The following WIPF2 variants were observed in gnomAD, a reference collection of about 807,000 sequenced individuals.
WIPF2 encodes WAS/WASL interacting protein family member 2, also known as WAS/WASL-interacting protein family member 2.
In WIPF2, 23 loss-of-function variants were observed where a neutral mutation model predicts 38.8. The observed-to-expected ratio is 0.59, with a 90% confidence interval of 0.43 to 0.84. The LOEUF (loss-of-function observed/expected upper bound fraction) is 0.84, where lower values mean the gene tolerates loss of function less well. WIPF2 is among the 40% of genes least tolerant of loss of function. The pLI is 0.00. For synonymous variants in WIPF2, 210 were observed against 223.2 expected (o/e 0.94, Z 0.53); for missense variants, 574 against 580.5 (o/e 0.99, Z 0.11).
At chr17:40,264,406 T>C in intron 4 of WIPF2, 84 bp from the exon 5 acceptor site, 2 of 1,106,344 alleles carry the variant, frequency 1.8e-6, no homozygotes, top group South Asian at 1.3e-5. Flanking sequence ...GCCATGCAGG[T>C]TGCACTAAGG....
chr17:40,226,318 C>T (rs545268557), intron 1 of WIPF2, among the ~76,000 whole-genome samples: 1 of 151,794 alleles, frequency 6.6e-6, no homozygotes, highest in South Asian at 2.1e-4. Flanking sequence ...ATTATCCTGC[C>T]TCAGCCTCCC....
intron 1 of WIPF2, among the ~76,000 whole-genome samples, chr17:40,246,826 T>C (rs1263021144): frequency 6.6e-6 from 1 of 151,932 alleles, no homozygotes; most frequent in Non-Finnish European, 1.5e-5. Context: ...AAGAACTCAT[T>C]TGTTGGCCGG....
chr17:40,257,486 C>T (rs1354951092), intron 2 of WIPF2, among the ~76,000 whole-genome samples: 1 of 151,928 alleles, frequency 6.6e-6, no homozygotes, highest in African/African-American at 2.4e-5. Context: ...TTTAGCCATA[C>T]CTAGATTGTG....
In WIPF2 at chr17:40,278,510, T is replaced by C; in HGVS notation, c.*285T>C. On this transcript the variant is annotated 3_prime_UTR_variant, in exon 8 of 8. Coordinates refer to ENST00000323571, the MANE Select transcript of WIPF2 (RefSeq NM_133264.5). Reference sequence around the variant, plus strand: ...GGAACAAGTTTCCGTGTCTTCTGCCTTCCTCTTGGGGAAAGGTGCCTTGTT... The same window carrying C: ...GGAACAAGTTTCCGTGTCTTCTGCCCTCCTCTTGGGGAAAGGTGCCTTGTT... 2.2e-6 allele frequency: 1 copy of C among 444,972 alleles called. No homozygotes were observed. The allele number at this position is 444,972 out of a possible 1,614,324, so 27.6% of individuals were successfully genotyped here.
chr17:40,228,506 T>C (rs2145283282), intron 1 of WIPF2, among the ~76,000 whole-genome samples: 1 of 152,338 alleles, frequency 6.6e-6, no homozygotes, highest in South Asian at 2.1e-4. Context: ...CTAGAATTGC[T>C]GAAGCTGATT....
chr17:40,247,488 G>A (rs944546572), intron 1 of WIPF2, among the ~76,000 whole-genome samples: 3 of 150,760 alleles, frequency 2.0e-5, no homozygotes, highest in Non-Finnish European at 4.4e-5. Flanking sequence ...CAAAGTGCTG[G>A]GATTACGGGC....
intron 6 of WIPF2, among the ~76,000 whole-genome samples, chr17:40,276,542 A>T (rs2145416977): frequency 6.6e-6 from 1 of 151,336 alleles, no homozygotes; most frequent in East Asian, 1.9e-4. Context: ...AAAAAAAAAA[A>T]AGAATTATAT....
rs2032551860 is a variant in WIPF2, at chr17:40,281,843, C to T, written c.*3618C>T. Reference sequence around the variant, plus strand: ...GGGGGTGGAGTGTGGGCATCTGAGGCCCTATGATGGCACTACATTGAGCTG... The same window carrying T: ...GGGGGTGGAGTGTGGGCATCTGAGGTCCTATGATGGCACTACATTGAGCTG... On this transcript the variant is annotated 3_prime_UTR_variant, in exon 8 of 8. Coordinates refer to ENST00000323571, the MANE Select transcript of WIPF2 (RefSeq NM_133264.5). 6.6e-6 allele frequency: 1 copy of T among 152,434 alleles called. No homozygotes were observed. The highest frequency in any genetic ancestry group is 2.4e-5 in the African/African-American group (1 of 41,362). The allele number at this position is 152,434 out of a possible 1,614,324, so 9.4% of individuals were successfully genotyped here. A position where few individuals can be genotyped will look rare whatever the true frequency, so the allele number is the denominator to read the frequency against.
rs773481226 is a variant in WIPF2 at position 40,274,017 on chromosome 17, T to G, written c.1180+18T>G. ...TTTCTTGGGTGAGTAGCTAGCTATC[T>G]GTAGTCTCATGGTTCCTGCGGTGAC... On this transcript the variant is annotated intron_variant, in intron 6 of 7. Coordinates refer to ENST00000323571, the MANE Select transcript of WIPF2 (RefSeq NM_133264.5). 26 of 1,514,372 alleles carry G rather than the reference T, an allele frequency of 1.7e-5. No homozygotes were observed. In the Admixed American group the frequency reaches 5.2e-4, roughly 30 times the overall value. 93.8% of individuals were successfully genotyped at this position (1,514,372 alleles called of 1,614,324 possible).
At position 40,260,505 on chromosome 17, in the gene WIPF2, G is replaced by A. The variant is rs1237468463; in HGVS notation, c.64-30G>A. On this transcript the variant is annotated intron_variant, in intron 2 of 7. Transcript: ENST00000323571. ...CCCGGCCGATAAAGGGAACTCTTTA[G>A]GGTGAACTTATATTTCTCTTATCCT... The A allele has an allele frequency of 3.7e-6, 6 of 1,611,844 alleles. No individual in the cohort carries two copies. The African/African-American group carries it at 8.0e-5, about 22-fold the overall frequency.
intron 6 of WIPF2, 22 bp downstream of exon 6, chr17:40,274,021 G>T: frequency 6.6e-7 from 1 of 1,512,938 alleles, no homozygotes; most frequent in Non-Finnish European, 8.9e-7. Context: ...GCTATCTGTA[G>T]TCTCATGGTT....
Position 40,223,922 on chromosome 17 carries a change from C to G in WIPF2, c.-70+4430C>G, listed in dbSNP as rs568938523. Among the ~76,000 whole-genome samples, 4 of 151,768 alleles carry G rather than the reference C, an allele frequency of 2.6e-5. No homozygotes were observed. In the South Asian group the frequency reaches 8.3e-4, roughly 32 times the overall value. The stretch of plus-strand genomic sequence containing the variant: ...TAAATGTTCTTTCTTTACTTGTGTT[C>G]TCTGATTGGGAGAGTAACCTGGTAT... On this transcript the variant is annotated intron_variant, in intron 1 of 7. Transcript: ENST00000323571.
At chr17:40,255,121 T>C (rs2031677401) in intron 1 of WIPF2, among the ~76,000 whole-genome samples, 1 of 152,034 alleles carries the variant, frequency 6.6e-6, no homozygotes, top group South Asian at 2.1e-4. Context: ...AGAAGACATA[T>C]CTATTAAAGG....
At chr17:40,277,424 A>G (rs1042908430) in intron 7 of WIPF2, among the ~76,000 whole-genome samples, 3 of 152,070 alleles carry the variant, frequency 2.0e-5, no homozygotes, top group Admixed American at 1.3e-4. Context: ...GCTTATGCCT[A>G]TAATCCCAGC....
At chr17:40,233,902 A>G (rs2030849633) in intron 1 of WIPF2, among the ~76,000 whole-genome samples, 1 of 152,170 alleles carries the variant, frequency 6.6e-6, no homozygotes, top group Non-Finnish European at 1.5e-5. Context: ...TATCTCTACT[A>G]AAAATACAAA....
At chr17:40,273,407 G>A (rs1456139407) in intron 5 of WIPF2, among the ~76,000 whole-genome samples, 1 of 152,192 alleles carries the variant, frequency 6.6e-6, no homozygotes, top group African/African-American at 2.4e-5. Flanking sequence ...AGGGAGGTTG[G>A]TGAGTTGGTG....
chr17:40,229,842 T>C (rs1417728781), intron 1 of WIPF2, among the ~76,000 whole-genome samples: 1 of 152,144 alleles, frequency 6.6e-6, no homozygotes, highest in Non-Finnish European at 1.5e-5. Flanking sequence ...CTCTGAGGAA[T>C]TGACTTTTAA....
rs1555560743 is a variant in WIPF2, at chr17:40,239,046, T to TTTTATTTTA, written c.-69-17338_-69-17337insTATTTATTT. 2.0e-3 allele frequency among the ~76,000 whole-genome samples: 275 copies of TTTTATTTTA among 138,812 alleles called. 1 individual carries two copies. Among genetic ancestry groups the TTTTATTTTA allele is most frequent in the Admixed American group, 1.6e-3 (22 of 13,380 alleles). The allele number at this position is 138,812 out of a possible 152,430, so 91.1% of individuals were successfully genotyped here. On this transcript the variant is annotated intron_variant, in intron 1 of 7. Transcript: ENST00000323571. ...CTGTGTCTGGCTTCTGTTTATTTTA[T>TTTTATTTTA]TTTATTTATTTATTTATTTATTTAT... is the stretch of plus-strand genomic sequence containing the variant.
At position 40,220,968 on chromosome 17, in the gene WIPF2, C is replaced by G. The variant is rs1225494721; in HGVS notation, c.-70+1476C>G. Among the ~76,000 whole-genome samples, 4 of 151,624 alleles carry G rather than the reference C, an allele frequency of 2.6e-5. No homozygotes were observed. In the East Asian group the frequency reaches 7.7e-4, roughly 29 times the overall value. On this transcript the variant is annotated intron_variant, in intron 1 of 7. Coordinates refer to ENST00000323571, the MANE Select transcript of WIPF2 (RefSeq NM_133264.5). ...TTTTTTTTTGAATTTTTAGTAGAGA[C>G]GGGGTTTCACTGTGTTAGCCAGGAT...
Sources: allele counts gnomAD v4.1 joint callset (sites outside exome capture counted in the v4.1 genomes callset), GRCh38; gene constraint gnomAD v4.1.1; transcripts MANE v1.5; gene names NCBI Gene and HGNC (gene_info 2026-07-23, HGNC 2026-07-21).